The following FAM178B variants were observed in gnomAD, a reference collection of about 807,000 sequenced individuals.
FAM178B encodes the protein family with sequence similarity 178 member B, also known as protein FAM178B.
Under a neutral mutation model 91.7 loss-of-function variants are expected in FAM178B, and 82 were observed. The ratio of observed to expected loss-of-function variants is 0.89; its 90% CI spans 0.75 to 1.07. The LOEUF is 1.07. Among genes scored for constraint, FAM178B ranks in the 50% least tolerant of loss-of-function variants. The pLI is 0.00. For missense variants in FAM178B, 769 were observed against 846.7 expected, an observed-to-expected ratio of 0.91 and a Z score of 1.14; for synonymous variants, 368 against 359.4, an observed-to-expected ratio of 1.02 and a Z score of -0.27.
intron 14 of FAM178B, 134 bp downstream of exon 14, chr2:96,893,792 G>C: frequency 9.0e-7 from 1 of 1,108,758 alleles, no homozygotes; most frequent in Non-Finnish European, 1.2e-6. Flanking sequence ...GCAGCCTGTT[G>C]GTCTCTGCCC....
chr2:96,944,196 T>A (rs2081782053), intron 8 of FAM178B, among the ~76,000 whole-genome samples: 1 of 145,626 alleles, frequency 6.9e-6, no homozygotes, highest in Non-Finnish European at 1.5e-5. Flanking sequence ...GGGCCGAGAT[T>A]GTGCCACTGC....
intron 6 of FAM178B, chr2:96,956,594 T>A (rs1178381233): frequency 6.6e-6 from 1 of 152,234 alleles, no homozygotes; most frequent in African/African-American, 2.4e-5. Context: ...GTTGATTTTT[T>A]AAAAAATGGC....
At chr2:96,969,940 G>A (rs916220946) in intron 4 of FAM178B, among the ~76,000 whole-genome samples, 2 of 152,230 alleles carry the variant, frequency 1.3e-5, no homozygotes, top group African/African-American at 4.8e-5. Flanking sequence ...CAGGAGAGCT[G>A]GGTGTTCCAG....
At chr2:96,950,118 C>T (rs960710450) in intron 7 of FAM178B, 17 of 985,500 alleles carry the variant, frequency 1.7e-5, no homozygotes, top group Middle Eastern at 5.2e-4. Context: ...AACCGACACG[C>T]CCCCGGGAAG....
chr2:96,900,376 G>A (rs2080904656), intron 13 of FAM178B, among the ~76,000 whole-genome samples: 1 of 151,970 alleles, frequency 6.6e-6, no homozygotes, highest in Admixed American at 6.6e-5. Context: ...CATGCACCCC[G>A]ACGACCCACC....
At chr2:96,877,375 T>C (rs1264053422) in intron 16 of FAM178B, among the ~76,000 whole-genome samples, 2 of 151,414 alleles carry the variant, frequency 1.3e-5, no homozygotes, top group Non-Finnish European at 2.9e-5. Flanking sequence ...TGTGTCCCCT[T>C]CCCTCCGCAC....
At chr2:96,968,174 G>A (rs2082171184) in intron 4 of FAM178B, among the ~76,000 whole-genome samples, 1 of 151,634 alleles carries the variant, frequency 6.6e-6, no homozygotes, top group South Asian at 2.1e-4. Context: ...CTGGCTCCTC[G>A]GCATCCCTGA....
At chr2:96,957,562 G>A (rs1361443458) in intron 6 of FAM178B, among the ~76,000 whole-genome samples, 2 of 152,216 alleles carry the variant, frequency 1.3e-5, no homozygotes, top group African/African-American at 4.8e-5. Context: ...TCTGATCCCA[G>A]GTCACCGCTC....
chr2:96,877,816 T>C lies in FAM178B; in HGVS notation c.2007+74A>G. ...TCAGCAGCTGCAGCGGGGGTGGATG[T>C]GCTGGTGGCTCTGGCCAGCCCTGCC... On this transcript the variant is annotated intron_variant, in intron 16 of 16. Transcript: ENST00000490605. The C allele has an allele frequency of 2.0e-6, 3 of 1,463,808 alleles. No individual in the cohort carries two copies. The South Asian group carries it at 3.8e-5, about 18-fold the overall frequency. 90.7% of individuals were successfully genotyped at this position (1,463,808 alleles called of 1,614,324 possible). A position where few individuals can be genotyped will look rare whatever the true frequency, so the allele number is the denominator to read the frequency against.
At chr2:96,955,865 G>T (rs923108711) in intron 6 of FAM178B, among the ~76,000 whole-genome samples, 8 of 152,164 alleles carry the variant, frequency 5.3e-5, no homozygotes, top group Non-Finnish European at 8.8e-5. Flanking sequence ...ACCCTGGCCT[G>T]TTCCTCCAGG....
chr2:96,880,641 C>CTGT (rs1351718169), intron 14 of FAM178B, among the ~76,000 whole-genome samples: 1 of 151,916 alleles, frequency 6.6e-6, no homozygotes, highest in African/African-American at 2.4e-5. Context: ...GTTGCCCAGG[C>CTGT]TGTAGTGCAG....
At chr2:96,889,438 G>T (rs1444880236) in intron 14 of FAM178B, among the ~76,000 whole-genome samples, 2 of 152,168 alleles carry the variant, frequency 1.3e-5, no homozygotes, top group African/African-American at 4.8e-5. Flanking sequence ...CAGCACTGTG[G>T]GAGGCCGAGG....
chr2:96,970,263 A>C (rs2082199217), intron 4 of FAM178B, among the ~76,000 whole-genome samples: 1 of 152,200 alleles, frequency 6.6e-6, no homozygotes, highest in Non-Finnish European at 1.5e-5. Context: ...TGAAACTCAG[A>C]GAGGATGGGA....
At chr2:96,940,338 C>T (rs537760611) in intron 8 of FAM178B, among the ~76,000 whole-genome samples, 1 of 152,290 alleles carries the variant, frequency 6.6e-6, no homozygotes, top group East Asian at 1.9e-4. Context: ...ATGAGAAGGT[C>T]GTGGGGCCTC....
At chr2:96,937,805 C>G (rs951674889) in intron 8 of FAM178B, among the ~76,000 whole-genome samples, 3 of 152,140 alleles carry the variant, frequency 2.0e-5, no homozygotes, top group Non-Finnish European at 2.9e-5. Context: ...GCAGGCAGAT[C>G]GCTTGAGCCC....
chr2:96,917,196 A>G (rs2081255631), intron 12 of FAM178B, among the ~76,000 whole-genome samples: 1 of 152,198 alleles, frequency 6.6e-6, no homozygotes, highest in Non-Finnish European at 1.5e-5. Flanking sequence ...TGAAAGGAGT[A>G]CTTTCAAAAA....
chr2:96,940,092 T>C (rs1419232849), intron 8 of FAM178B, among the ~76,000 whole-genome samples: 4 of 152,088 alleles, frequency 2.6e-5, no homozygotes, highest in African/African-American at 9.7e-5. Context: ...TCCTGCCCAT[T>C]TGGGTCTAGA....
In FAM178B at chr2:96,926,673, C is replaced by A. The variant is rs867362797; in HGVS notation, c.1193+2533G>T. On this transcript the variant is annotated intron_variant, in intron 9 of 16. Transcript: ENST00000490605. Reference sequence around the variant, plus strand: ...TTGAGCAGAGGGCCACTGTTTCCAACAAGTTGGATGCCAGGAGATCTGCAT... The same window carrying A: ...TTGAGCAGAGGGCCACTGTTTCCAAAAAGTTGGATGCCAGGAGATCTGCAT... Among the ~76,000 whole-genome samples the A allele has an allele frequency of 2.0e-5, 3 of 152,344 alleles. No individual in the cohort carries two copies. In the South Asian group the frequency reaches 6.2e-4, roughly 32 times the overall value.
intron 8 of FAM178B, among the ~76,000 whole-genome samples, chr2:96,937,753 C>T (rs1559084485): frequency 1.3e-5 from 2 of 152,182 alleles, no homozygotes; most frequent in South Asian, 2.1e-4. Flanking sequence ...GGGCTGGGCG[C>T]GGGGGCTCAC....
Sources: gnomAD v4.1 joint callset for allele counts (sites outside exome capture counted in the v4.1 genomes callset) on GRCh38, gnomAD v4.1.1 for gene constraint, MANE v1.5 for transcripts, NCBI Gene and HGNC (gene_info 2026-07-23, HGNC 2026-07-21) for gene names.